The following ZNF385B variants were observed in gnomAD, a reference collection of about 807,000 sequenced individuals.
ZNF385B encodes the protein zinc finger protein 385B.
Under a neutral mutation model 39.2 loss-of-function variants are expected in ZNF385B, and 23 were observed. That is an observed-to-expected ratio of 0.59 (90% CI 0.42 to 0.83). The LOEUF (loss-of-function observed/expected upper bound fraction) is 0.83, where lower values mean the gene tolerates loss of function less well. Among genes scored for constraint, ZNF385B ranks in the 40% least tolerant of loss-of-function variants. The pLI is 0.00. For missense variants in ZNF385B, 552 were observed against 598.9 expected (o/e 0.92, Z 0.82); for synonymous variants, 205 against 222.6 (o/e 0.92, Z 0.70).
At chr2:179,670,674 C>A (rs993969797) in intron 3 of ZNF385B, among the ~76,000 whole-genome samples, 3 of 152,076 alleles carry the variant, frequency 2.0e-5, no homozygotes, top group African/African-American at 7.2e-5. Flanking sequence ...AAAAGGCATC[C>A]GTTTAATCAC....
chr2:179,573,739 G>C (rs923671825), intron 3 of ZNF385B, among the ~76,000 whole-genome samples: 4 of 152,052 alleles, frequency 2.6e-5, no homozygotes, highest in African/African-American at 7.2e-5. Flanking sequence ...AGCTTTCAAG[G>C]CTTCATAAGT....
chr2:179,761,756 C>CTTTTTTTTT (rs1420842226), intron 3 of ZNF385B, among the ~76,000 whole-genome samples: 39 of 109,550 alleles, frequency 3.6e-4, no homozygotes, highest in Non-Finnish European at 5.6e-4. Flanking sequence ...CATTTTTTTT[C>CTTTTTTTTT]TTTTCTTTTT....
At chr2:179,587,051 A>C (rs1238497710) in intron 3 of ZNF385B, among the ~76,000 whole-genome samples, 1 of 151,924 alleles carries the variant, frequency 6.6e-6, no homozygotes, top group East Asian at 1.9e-4. Context: ...AAAAACAAAC[A>C]AAAAAAATTA....
intron 6 of ZNF385B, among the ~76,000 whole-genome samples, chr2:179,482,517 AT>A (rs11358518): frequency 0.26 from 39,883 of 151,948 alleles, 5,385 homozygotes; most frequent in East Asian, 0.38. Context: ...ACAAAAATGA[AT>A]TTTTTTTCTC....
At chr2:179,843,903 C>A (rs931444990) in intron 1 of ZNF385B, among the ~76,000 whole-genome samples, 2 of 152,146 alleles carry the variant, frequency 1.3e-5, no homozygotes, top group Non-Finnish European at 2.9e-5. Context: ...TGGAAAATTC[C>A]CTTTGCAGGA....
chr2:179,782,489 T>A (rs902296192), intron 1 of ZNF385B, among the ~76,000 whole-genome samples: 1 of 152,056 alleles, frequency 6.6e-6, no homozygotes, highest in African/African-American at 2.4e-5. Flanking sequence ...GCCAGAGCAA[T>A]CAGACAAGGG....
Position 179,769,572 on chromosome 2 carries a change from C to G in ZNF385B, c.229G>C (p.Val77Leu). ...GGCTGCCCATCACTCAGCTGCTTCA[C>G]TCGTTTGCGGTGGGATTTGCCGTTG... ...HSNGKSHRKR[V>L]KQLSDGQPPP... Residue 77 changes from valine (V) to leucine (L), a missense_variant, in exon 3 of 10, where the codon GTG (valine) becomes CTG (leucine). By Grantham distance (32) the Val-to-Leu change is conservative. Coordinates refer to ENST00000410066, the MANE Select transcript of ZNF385B (RefSeq NM_152520.6). The G allele has an allele frequency of 6.2e-7, 1 of 1,614,176 alleles. No individual in the cohort carries two copies. Among genetic ancestry groups the G allele is most frequent in the Non-Finnish European group, 8.5e-7 (1 of 1,180,032 alleles).
chr2:179,460,923 C>T (rs187028729), intron 6 of ZNF385B, among the ~76,000 whole-genome samples: 76 of 152,322 alleles, frequency 5.0e-4, no homozygotes, highest in African/African-American at 1.7e-3. Flanking sequence ...AACTATTAAA[C>T]TTTTCCTACC....
intron 3 of ZNF385B, among the ~76,000 whole-genome samples, chr2:179,654,585 TA>T (rs1446750369): frequency 1.3e-5 from 2 of 152,194 alleles, no homozygotes; most frequent in Non-Finnish European, 2.9e-5. Context: ...AAGAATACCA[TA>T]TTAATTCTTC....
At chr2:179,499,789 G>C (rs1191760957) in intron 5 of ZNF385B, among the ~76,000 whole-genome samples, 1 of 151,970 alleles carries the variant, frequency 6.6e-6, no homozygotes, top group East Asian at 1.9e-4. Context: ...GTCCTAGCTA[G>C]AGTGATCAGA....
intron 3 of ZNF385B, among the ~76,000 whole-genome samples, chr2:179,567,141 C>T (rs889160854): frequency 3.3e-5 from 5 of 152,232 alleles, no homozygotes; most frequent in African/African-American, 1.2e-4. Flanking sequence ...TCTCGAACTC[C>T]TGACCTCAAG....
intron 3 of ZNF385B, among the ~76,000 whole-genome samples, chr2:179,679,958 A>C (rs1386967328): frequency 6.6e-6 from 1 of 152,194 alleles, no homozygotes; most frequent in African/African-American, 2.4e-5. Flanking sequence ...TTTTGACCAC[A>C]ACTAAACCTG....
rs111926993 is a variant in ZNF385B at position 179,737,319 on chromosome 2, A to G, written c.298+32184T>C. On this transcript the variant is annotated intron_variant, in intron 3 of 9. Coordinates refer to ENST00000410066, the MANE Select transcript of ZNF385B (RefSeq NM_152520.6). ...TCTACTTCTCAGGGTTATAGTAAGG[A>G]TCAAATGAAATAATAGTTGGAAATG... 7.5e-3 allele frequency among the ~76,000 whole-genome samples: 1,148 copies of G among 152,318 alleles called. 11 individuals carry two copies. The highest frequency in any genetic ancestry group is 0.025 in the African/African-American group (1,055 of 41,556).
intron 3 of ZNF385B, among the ~76,000 whole-genome samples, chr2:179,574,037 C>CA (rs1685530861): frequency 6.6e-6 from 1 of 152,048 alleles, no homozygotes; most frequent in African/African-American, 2.4e-5. Flanking sequence ...GAATGACTTT[C>CA]AAAATCACTC....
intron 3 of ZNF385B, among the ~76,000 whole-genome samples, chr2:179,660,621 C>T (rs1243628108): frequency 6.6e-6 from 1 of 151,984 alleles, no homozygotes; most frequent in Non-Finnish European, 1.5e-5. Context: ...ATTTATTATT[C>T]GGTGCTATGA....
intron 3 of ZNF385B, among the ~76,000 whole-genome samples, chr2:179,704,943 G>A (rs1268034275): frequency 6.6e-6 from 1 of 152,002 alleles, no homozygotes; most frequent in Non-Finnish European, 1.5e-5. Flanking sequence ...CTAACACTTG[G>A]TCACCTCCAT....
intron 3 of ZNF385B, among the ~76,000 whole-genome samples, chr2:179,557,022 T>A (rs1225063773): frequency 1.3e-5 from 2 of 149,284 alleles, no homozygotes; most frequent in Non-Finnish European, 3.0e-5. Flanking sequence ...CTCAAGTCAC[T>A]GAATAGTTCT....
At chr2:179,515,606 G>A (rs1171309657) in intron 5 of ZNF385B, among the ~76,000 whole-genome samples, 1 of 152,032 alleles carries the variant, frequency 6.6e-6, no homozygotes, top group Non-Finnish European at 1.5e-5. Context: ...ATCTATTTCA[G>A]TATTTATTAT....
intron 3 of ZNF385B, among the ~76,000 whole-genome samples, chr2:179,747,305 C>G (rs1702437851): frequency 6.6e-6 from 1 of 152,092 alleles, no homozygotes; most frequent in Non-Finnish European, 1.5e-5. Flanking sequence ...GTTAGATGCC[C>G]TTGCTTGGAG....
Sources: gnomAD v4.1 joint callset for allele counts (sites outside exome capture counted in the v4.1 genomes callset) on GRCh38, gnomAD v4.1.1 for gene constraint, MANE v1.5 for transcripts, NCBI Gene and HGNC (gene_info 2026-07-23, HGNC 2026-07-21) for gene names.